Variants in ACIN1 observed in about 807,000 individuals in gnomAD.
The protein encoded by ACIN1 is apoptotic chromatin condensation inducer in the nucleus.
ACIN1 carries 16 observed loss-of-function variants against 146.6 expected under a neutral mutation model. The ratio of observed to expected loss-of-function variants is 0.11; its 90% CI spans 0.07 to 0.17. The LOEUF is 0.17. Ranked by LOEUF, ACIN1 falls within the 10% of genes least tolerant of loss-of-function variation. The probability of loss-of-function intolerance (pLI) is 1.00; values close to 1 mark genes in which losing one functional copy is unlikely to be tolerated. For missense variants in ACIN1, 1,357 were observed against 1,609.3 expected (o/e 0.84, Z 2.68); for synonymous variants, 569 against 582.7 (o/e 0.98, Z 0.34).
Position 23,064,085 on chromosome 14 carries a change from C to G in ACIN1, c.2595+20G>C, listed in dbSNP as rs1242314109. The G allele has an allele frequency of 1.2e-6, 2 of 1,613,480 alleles. No individual in the cohort carries two copies. The highest frequency in any genetic ancestry group is 2.7e-5 in the African/African-American group (2 of 74,910). On this transcript the variant is annotated intron_variant, in intron 12 of 18. Transcript: ENST00000605057. ...TACTGCTCCCACCTTTCCCCTGACACTGGGGTGCAGAAGCCTTACCTGAGT... is the reference window on the plus strand; with the variant it reads ...TACTGCTCCCACCTTTCCCCTGACAGTGGGGTGCAGAAGCCTTACCTGAGT...
Position 23,058,988 on chromosome 14 carries a change from G to T in ACIN1, c.*160C>A. 4.5e-6 allele frequency: 3 copies of T among 659,894 alleles called. No individual in the cohort carries two copies. Among genetic ancestry groups the T allele is most frequent in the South Asian group, 3.8e-5 (2 of 52,730 alleles). 40.9% of individuals were successfully genotyped at this position (659,894 alleles called of 1,614,324 possible). A position where few individuals can be genotyped will look rare whatever the true frequency, so the allele number is the denominator to read the frequency against. ...AGAGATAGGTTAAGGGGGTGTGTTTGGGGGGAAAAGGATGGCCACTTTTCC... is the reference window on the plus strand; with the variant it reads ...AGAGATAGGTTAAGGGGGTGTGTTTTGGGGGAAAAGGATGGCCACTTTTCC... On this transcript the variant is annotated 3_prime_UTR_variant, in exon 19 of 19. Transcript: ENST00000605057.
chr14:23,094,445 CCT>C (rs1191786472), intron 1 of ACIN1: 1 of 984,198 alleles, frequency 1.0e-6, no homozygotes, highest in Non-Finnish European at 1.2e-6. Flanking sequence ...AAATTAGAGA[CCT>C]CTCTCTCATC....
rs898257786 is a variant in ACIN1 at position 23,058,877 on chromosome 14, T to C, written c.*271A>G. ...GACTGGGGCACCTGGCTGTTCCCCA[T>C]CTCTGGCCAACCACCTCCTTGCCTA... On this transcript the variant is annotated 3_prime_UTR_variant, in exon 19 of 19. Coordinates refer to ENST00000605057, the MANE Select transcript of ACIN1 (RefSeq NM_001386863.1). The C allele has an allele frequency of 6.0e-6, 3 of 503,466 alleles. No individual in the cohort carries two copies. Among genetic ancestry groups the C allele is most frequent in the African/African-American group, 5.7e-5 (3 of 52,550 alleles). 31.2% of individuals were successfully genotyped at this position (503,466 alleles called of 1,614,324 possible).
chr14:23,072,216 A>G (rs1012967541), intron 8 of ACIN1, among the ~76,000 whole-genome samples: 1 of 152,078 alleles, frequency 6.6e-6, no homozygotes, highest in Non-Finnish European at 1.5e-5. Context: ...TTTTTCAAAT[A>G]CCAGTAGAAG....
At chr14:23,078,723 T>A in intron 7 of ACIN1, 97 bp downstream of exon 7, 2 of 1,298,052 alleles carry the variant, frequency 1.5e-6, no homozygotes, top group South Asian at 3.0e-5. Flanking sequence ...CTACTGAACC[T>A]TGTCCAGACT....
At chr14:23,081,960 T>G in intron 4 of ACIN1, 124 bp from the exon 5 acceptor site, 1 of 689,414 alleles carries the variant, frequency 1.5e-6, no homozygotes, top group South Asian at 2.1e-5. Context: ...CATATCTGTA[T>G]CGGTTTCTTT....
chr14:23,062,917 A>G lies in ACIN1; in HGVS notation c.2883+12T>C. On this transcript the variant is annotated intron_variant, in intron 14 of 18. Coordinates refer to ENST00000605057, the MANE Select transcript of ACIN1 (RefSeq NM_001386863.1). ...ACTAAGCAAGCTGGGATGGTGAGAA[A>G]CAATGACTTACCAAATTGGAGATAT... The G allele has an allele frequency of 6.3e-7, 1 of 1,599,168 alleles. No homozygotes were observed. The highest frequency in any genetic ancestry group is 8.5e-7 in the Non-Finnish European group (1 of 1,173,278).
At chr14:23,094,717 G>A (rs757959031) in intron 1 of ACIN1, 51 of 662,684 alleles carry the variant, frequency 7.7e-5, no homozygotes, top group Admixed American at 1.4e-4. Flanking sequence ...GGGGGAAGGA[G>A]GAAGGAGCTT....
rs1010651256 is a variant in ACIN1 at position 23,061,369 on chromosome 14, G to A, written c.3353C>T (p.Ser1118Phe). Residue 1118 changes from serine (S) to phenylalanine (F), a missense_variant, in exon 17 of 19, where the codon TCC becomes TTC. Coordinates refer to ENST00000605057, the MANE Select transcript of ACIN1 (RefSeq NM_001386863.1). The part of the protein sequence containing the change: ...DRDKVREGPR[S>F]RSRSRDRRRK... The stretch of plus-strand genomic sequence containing the variant: ...GCGGCGGTCACGGGACCTTGATCGG[G>A]AACGGGGCCCTTCTCGAACTTTGTC... 6.2e-7 allele frequency: 1 copy of A among 1,614,110 alleles called. No homozygotes were observed. Among genetic ancestry groups the A allele is most frequent in the Non-Finnish European group, 8.5e-7 (1 of 1,180,026 alleles).
chr14:23,091,571 A>G (rs1566759810), intron 2 of ACIN1, among the ~76,000 whole-genome samples: 1 of 151,448 alleles, frequency 6.6e-6, no homozygotes, highest in Non-Finnish European at 1.5e-5. Flanking sequence ...TCTCAAGAAA[A>G]AAAAAAAAAA....
At chr14:23,095,329 T>G (rs777842847), upstream of ACIN1, 1 of 1,553,698 alleles carries the variant, frequency 6.4e-7, no homozygotes, top group Non-Finnish European at 8.7e-7. Context: ...AGCGCCCCTT[T>G]TCTCGCCCTG....
At chr14:23,066,187 A>C in intron 9 of ACIN1, 179 bp from the exon 10 acceptor site, 2 of 556,968 alleles carry the variant, frequency 3.6e-6, no homozygotes, top group East Asian at 3.0e-5. Context: ...GCAAACGGCA[A>C]AAACGAAGCA....
chr14:23,090,184 G>A (rs2048193538), intron 3 of ACIN1, 83 bp from the exon 4 acceptor site: 1 of 1,527,092 alleles, frequency 6.5e-7, no homozygotes, highest in Non-Finnish European at 8.8e-7. Context: ...AAGGAGGTCA[G>A]GCAAAGTCAC....
At chr14:23,063,177 C>T (rs2047341756) in intron 13 of ACIN1, 103 bp from the exon 14 acceptor site, 9 of 1,327,946 alleles carry the variant, frequency 6.8e-6, no homozygotes, top group Non-Finnish European at 9.3e-6. Flanking sequence ...ACCAAGCAGC[C>T]ACTCCTTAAT....
intron 5 of ACIN1, among the ~76,000 whole-genome samples, chr14:23,081,394 TAA>T (rs1193456073): frequency 6.6e-6 from 1 of 152,136 alleles, no homozygotes; most frequent in Non-Finnish European, 1.5e-5. Flanking sequence ...CTTAGAAATC[TAA>T]AAGGCAGAGC....
intron 1 of ACIN1, chr14:23,094,618 C>G (rs753691100): frequency 1.0e-5 from 10 of 999,814 alleles, no homozygotes; most frequent in Admixed American, 4.4e-5. Flanking sequence ...ACTCGCCCCC[C>G]TCAGGCCAGC....
In ACIN1 at chr14:23,063,430, A is replaced by G; in HGVS notation, c.2737+6T>C. 1 of 1,613,624 alleles carries G rather than the reference A, an allele frequency of 6.2e-7. No individual in the cohort carries two copies. The highest frequency in any genetic ancestry group is 8.5e-7 in the Non-Finnish European group (1 of 1,179,754). ...CATTACATTTCTCTCACAATATGTC[A>G]CTCACCTTTCTTTACTTCATGCTCT... On this transcript the variant is annotated splice_donor_region_variant and intron_variant, in intron 13 of 18. Transcript: ENST00000605057.
At position 23,078,804 on chromosome 14, in the gene ACIN1, G is replaced by C. The variant is rs767146272; in HGVS notation, c.2007+16C>G. On this transcript the variant is annotated intron_variant, in intron 7 of 18. Transcript: ENST00000605057. ...AATCCTCCATCTCTGTGTAGGGAGG[G>C]GTCACAATAGCCTACCCGCTCAGGC... The C allele has an allele frequency of 1.9e-6, 3 of 1,609,860 alleles. No homozygotes were observed. Among genetic ancestry groups the C allele is most frequent in the African/African-American group, 1.3e-5 (1 of 74,806 alleles).
At chr14:23,070,850 G>C (rs1470474539) in intron 8 of ACIN1, among the ~76,000 whole-genome samples, 1 of 152,104 alleles carries the variant, frequency 6.6e-6, no homozygotes, top group African/African-American at 2.4e-5. Context: ...GGGAAAATCG[G>C]AACTGTGCCC....
Sources: allele counts gnomAD v4.1 joint callset (sites outside exome capture counted in the v4.1 genomes callset), GRCh38; gene constraint gnomAD v4.1.1; transcripts MANE v1.5; gene names NCBI Gene and HGNC (gene_info 2026-07-23, HGNC 2026-07-21).